The following TSC22D1 variants were observed in gnomAD, a reference collection of about 807,000 sequenced individuals.
The protein encoded by TSC22D1 is TSC22 domain family protein 1.
TSC22D1 carries 9 observed loss-of-function variants against 74.2 expected under a neutral mutation model. The ratio of observed to expected loss-of-function variants is 0.12; its 90% CI spans 0.07 to 0.21. TSC22D1 has a LOEUF of 0.21. Among genes scored for constraint, TSC22D1 ranks in the 10% least tolerant of loss-of-function variants. The probability of loss-of-function intolerance (pLI) is 1.00; values close to 1 mark genes in which losing one functional copy is unlikely to be tolerated. For missense variants in TSC22D1, 1,427 were observed against 1,304.7 expected, an observed-to-expected ratio of 1.09 and a Z score of -1.44; for synonymous variants, 586 against 492.5, an observed-to-expected ratio of 1.19 and a Z score of -2.51.
At chr13:44,454,686 G>A (rs1161807164) in intron 1 of TSC22D1, among the ~76,000 whole-genome samples, 5 of 152,010 alleles carry the variant, frequency 3.3e-5, no homozygotes, top group African/African-American at 1.2e-4. Flanking sequence ...TATTCTACAC[G>A]TTATGTATAT....
intron 1 of TSC22D1, among the ~76,000 whole-genome samples, chr13:44,529,029 T>C (rs1451504524): frequency 6.6e-6 from 1 of 152,096 alleles, no homozygotes; most frequent in Non-Finnish European, 1.5e-5. Context: ...CATGATATGA[T>C]ACCAATTCTC....
intron 1 of TSC22D1, among the ~76,000 whole-genome samples, chr13:44,557,282 A>G (rs1467332349): frequency 6.6e-6 from 1 of 151,702 alleles, no homozygotes; most frequent in African/African-American, 2.4e-5. Context: ...CCAATGTGGT[A>G]AAACCCTGTC....
At chr13:44,435,004 G>A in intron 2 of TSC22D1, 121 bp from the exon 3 acceptor site, 1 of 843,254 alleles carries the variant, frequency 1.2e-6, no homozygotes, top group Non-Finnish European at 1.9e-6. Context: ...CTTTAAAGTT[G>A]GTTCAATGAC....
chr13:44,460,424 T>C (rs1876936820), intron 1 of TSC22D1, among the ~76,000 whole-genome samples: 1 of 152,240 alleles, frequency 6.6e-6, no homozygotes, highest in Admixed American at 6.5e-5. Flanking sequence ...TATAAGTGAC[T>C]TCATTGTTTT....
At chr13:44,551,392 GTGTGT>G (rs1566169555) in intron 1 of TSC22D1, among the ~76,000 whole-genome samples, 13 of 60,758 alleles carry the variant, frequency 2.1e-4, no homozygotes, top group African/African-American at 7.7e-4. Context: ...TCAGATGGGT[GTGTGT>G]GTGTGTGTGT....
chr13:44,447,696 A>C (rs1875794885), intron 1 of TSC22D1, among the ~76,000 whole-genome samples: 1 of 151,924 alleles, frequency 6.6e-6, no homozygotes, highest in African/African-American at 2.4e-5. Context: ...TTCTCTCTCT[A>C]AACATTTATA....
Position 44,575,178 on chromosome 13 carries a change from T to A in TSC22D1, c.897A>T (p.Thr299=). 6.2e-7 allele frequency: 1 copy of A among 1,614,094 alleles called. No individual in the cohort carries two copies. Among genetic ancestry groups the A allele is most frequent in the Non-Finnish European group, 8.5e-7 (1 of 1,180,042 alleles). The change falls in exon 1 of 3, where the codon ACA becomes ACT. Residue 299 remains threonine (T), a synonymous_variant. Transcript: ENST00000458659. The part of the protein sequence containing the change: ...VMTNMRAPST[T]GGIGINSVTG... ...TAACAGAATTTATACCTATTCCACC[T>A]GTAGTACTTGGAGCACGCATATTAG...
In TSC22D1 at chr13:44,575,859, A is replaced by T; in HGVS notation, c.216T>A (p.Ser72=). Residue 72 remains serine, a synonymous_variant, in exon 1 of 3, where the codon TCT becomes TCA. Transcript: ENST00000458659. ...GCGGAGGCTGTGGTCCCGACGTAGA[A>T]GATGCTGCAGGGGGCGGCGGCTGAA... ...SLLQPPPPAA[S]STSGPQPPPP... 2 of 1,614,034 alleles carry T rather than the reference A, an allele frequency of 1.2e-6. No homozygotes were observed. Among genetic ancestry groups the T allele is most frequent in the Non-Finnish European group, 1.7e-6 (2 of 1,179,974 alleles).
Position 44,572,289 on chromosome 13 carries a change from T to C in TSC22D1, c.2912+874A>G, listed in dbSNP as rs565331639. 5.3e-5 allele frequency among the ~76,000 whole-genome samples: 8 copies of C among 152,346 alleles called. No homozygotes were observed. In the East Asian group the frequency reaches 7.7e-4, roughly 15 times the overall value. On this transcript the variant is annotated intron_variant, in intron 1 of 2. Transcript: ENST00000458659. Reference sequence around the variant, plus strand: ...GATTCAATAAGCGTTACTGGCATATTATTTCCAATCTACGTGAAAAAACGC... The same window carrying C: ...GATTCAATAAGCGTTACTGGCATATCATTTCCAATCTACGTGAAAAAACGC...
intron 1 of TSC22D1, among the ~76,000 whole-genome samples, chr13:44,517,110 G>A (rs1165296456): frequency 1.3e-5 from 2 of 152,124 alleles, no homozygotes; most frequent in African/African-American, 4.8e-5. Context: ...GTATACACAT[G>A]TATACCTGTA....
chr13:44,517,816 T>TGC lies in TSC22D1; in HGVS notation c.2912+55346_2912+55347insGC, dbSNP rs1880086589. 1.1e-4 allele frequency among the ~76,000 whole-genome samples: 3 copies of TGC among 27,370 alleles called. No individual in the cohort carries two copies. The Admixed American group carries it at 1.5e-3, about 14-fold the overall frequency. The allele number at this position is 27,370 out of a possible 152,430, so 18.0% of individuals were successfully genotyped here. On this transcript the variant is annotated intron_variant, in intron 1 of 2. Transcript: ENST00000458659. ...ATATATATACACACATATATATGTG[T>TGC]GTGTGTGTGTGTGTATATATATATA...
intron 1 of TSC22D1, among the ~76,000 whole-genome samples, chr13:44,444,695 G>A (rs1482067803): frequency 2.0e-5 from 3 of 151,960 alleles, no homozygotes; most frequent in Admixed American, 6.5e-5. Flanking sequence ...AAATACACAC[G>A]TCTAAGTAAC....
intron 1 of TSC22D1, chr13:44,451,269 C>T (rs1404997862): frequency 2.0e-5 from 3 of 152,348 alleles, no homozygotes; most frequent in East Asian, 1.9e-4. Context: ...CTGCAACAGT[C>T]AGCACAGAGA....
At chr13:44,560,004 T>C (rs966852969) in intron 1 of TSC22D1, among the ~76,000 whole-genome samples, 15 of 152,084 alleles carry the variant, frequency 9.9e-5, no homozygotes, top group African/African-American at 3.6e-4. Context: ...TAAAAATTAG[T>C]TTAATATTAG....
chr13:44,542,990 A>G (rs1242612238), intron 1 of TSC22D1, among the ~76,000 whole-genome samples: 4 of 152,172 alleles, frequency 2.6e-5, no homozygotes, highest in Non-Finnish European at 5.9e-5. Context: ...AAAAAATTTC[A>G]AACCAAAGCT....
rs764226352 is a variant in TSC22D1, at chr13:44,434,152, T to TC, written c.*473dup. On this transcript the variant is annotated 3_prime_UTR_variant, in exon 3 of 3. Coordinates refer to ENST00000458659, the MANE Select transcript of TSC22D1 (RefSeq NM_183422.4). ...GTCAAATTTGTACAGTGAACTCTGT[T>TC]CCCCCTCATTTTAGTCTTTTTACCC... The TC allele has an allele frequency of 2.0e-5, 30 of 1,485,278 alleles. 1 individual carries two copies. The Admixed American group carries it at 2.5e-4, about 12-fold the overall frequency. 92.0% of individuals were successfully genotyped at this position (1,485,278 alleles called of 1,614,324 possible). A position where few individuals can be genotyped will look rare whatever the true frequency, so the allele number is the denominator to read the frequency against.
At chr13:44,536,961 A>G (rs1195560176) in intron 1 of TSC22D1, 2 of 942,020 alleles carry the variant, frequency 2.1e-6, no homozygotes, top group East Asian at 2.7e-4. Flanking sequence ...AAAAAAAAAC[A>G]AAAAAAACTA....
intron 1 of TSC22D1, among the ~76,000 whole-genome samples, chr13:44,456,160 T>C (rs749665774): frequency 9.2e-5 from 14 of 152,180 alleles, no homozygotes; most frequent in South Asian, 6.2e-4. Context: ...GCTCAGCTCA[T>C]AAAGGTAGTG....
chr13:44,566,200 C>T (rs1004494898), intron 1 of TSC22D1, among the ~76,000 whole-genome samples: 1 of 152,100 alleles, frequency 6.6e-6, no homozygotes, highest in Non-Finnish European at 1.5e-5. Flanking sequence ...GGGCACTGGC[C>T]TTACCTCTTA....
Sources: gnomAD v4.1 joint callset for allele counts (sites outside exome capture counted in the v4.1 genomes callset) on GRCh38, gnomAD v4.1.1 for gene constraint, MANE v1.5 for transcripts, NCBI Gene and HGNC (gene_info 2026-07-23, HGNC 2026-07-21) for gene names.